The following TCF7L2 variants were observed in gnomAD, a reference collection of about 807,000 sequenced individuals.
TCF7L2 encodes transcription factor 7 like 2, also known as transcription factor 7-like 2.
A neutral mutation model predicts 77.9 loss-of-function variants in TCF7L2; 23 were observed. The observed-to-expected ratio is 0.30, with a 90% confidence interval of 0.21 to 0.42. The LOEUF (loss-of-function observed/expected upper bound fraction) is 0.42, where lower values mean the gene tolerates loss of function less well. Ranked by LOEUF, TCF7L2 falls within the 10% of genes least tolerant of loss-of-function variation. The pLI is 1.00. For missense variants in TCF7L2, 654 were observed against 793.1 expected (o/e 0.82, Z 2.11); for synonymous variants, 413 against 340.2 (o/e 1.21, Z -2.36).
chr10:113,009,760 A>T (rs1335222181), intron 4 of TCF7L2, among the ~76,000 whole-genome samples: 1 of 152,162 alleles, frequency 6.6e-6, no homozygotes, highest in African/African-American at 2.4e-5. Context: ...TCCTTAGAGG[A>T]TGGTAAATTA....
chr10:112,970,900 G>A (rs188732985), intron 4 of TCF7L2, among the ~76,000 whole-genome samples: 2 of 152,304 alleles, frequency 1.3e-5, no homozygotes, highest in Admixed American at 1.3e-4. Flanking sequence ...GACTTAGGCT[G>A]TGACATTTCA....
intron 4 of TCF7L2, among the ~76,000 whole-genome samples, chr10:112,999,010 A>G (rs940778221): frequency 6.6e-6 from 1 of 152,184 alleles, no homozygotes; most frequent in Non-Finnish European, 1.5e-5. Context: ...AGACTTTCCT[A>G]TTAAAAAAAG....
At chr10:113,109,077 A>G (rs1009634893) in intron 5 of TCF7L2, among the ~76,000 whole-genome samples, 1 of 152,212 alleles carries the variant, frequency 6.6e-6, no homozygotes. Context: ...ACGCGCGTGC[A>G]CACATGGGCC....
intron 5 of TCF7L2, among the ~76,000 whole-genome samples, chr10:113,088,190 T>C (rs1407104632): frequency 6.6e-6 from 1 of 152,172 alleles, no homozygotes; most frequent in African/African-American, 2.4e-5. Context: ...GAAATCGCCC[T>C]TCTTGGACCC....
Position 112,950,449 on chromosome 10 carries a change from G to GT in TCF7L2, c.-294dup, listed in dbSNP as rs74804400. 36,415 of 192,862 alleles carry GT rather than the reference G, an allele frequency of 0.19. 2,985 individuals carry two copies. Among genetic ancestry groups the GT allele is most frequent in the Non-Finnish European group, 0.24 (24,305 of 101,848 alleles). 11.9% of individuals were successfully genotyped at this position (192,862 alleles called of 1,614,324 possible). ...TATCTGACTTCTTGTTGTTGTTGGT[G>GT]TTTTTTTTTTTTTTACCCCCCTTTT... On this transcript the variant is annotated 5_prime_UTR_variant, in exon 1 of 14. Coordinates refer to ENST00000627217, the MANE Select transcript of TCF7L2 (RefSeq NM_001146274.2).
intron 5 of TCF7L2, among the ~76,000 whole-genome samples, chr10:113,100,537 A>C (rs913523893): frequency 6.6e-6 from 1 of 152,146 alleles, no homozygotes; most frequent in Non-Finnish European, 1.5e-5. Flanking sequence ...TAAAAGATGA[A>C]AGCACTAAAT....
chr10:113,014,157 G>T (rs1564785171), intron 4 of TCF7L2, among the ~76,000 whole-genome samples: 1 of 152,192 alleles, frequency 6.6e-6, no homozygotes, highest in Non-Finnish European at 1.5e-5. Flanking sequence ...ACAGGGAATG[G>T]GTTAGTTCCC....
chr10:113,098,876 G>C (rs1278856647), intron 5 of TCF7L2, among the ~76,000 whole-genome samples: 1 of 152,176 alleles, frequency 6.6e-6, no homozygotes, highest in Non-Finnish European at 1.5e-5. Context: ...CCTTTGTGTA[G>C]TCACTGGAGA....
intron 4 of TCF7L2, among the ~76,000 whole-genome samples, chr10:113,037,695 C>T (rs1357720150): frequency 3.3e-5 from 5 of 152,124 alleles, no homozygotes; most frequent in African/African-American, 4.8e-5. Flanking sequence ...CAACAAAGCC[C>T]GAGTTTCCTA....
intron 4 of TCF7L2, among the ~76,000 whole-genome samples, chr10:113,019,391 G>T (rs1456160620): frequency 6.6e-6 from 1 of 152,092 alleles, no homozygotes; most frequent in Non-Finnish European, 1.5e-5. Flanking sequence ...AATGGTTGTG[G>T]GGGGGTGGCC....
At chr10:112,970,137 G>A (rs1168363265) in intron 4 of TCF7L2, among the ~76,000 whole-genome samples, 2 of 151,560 alleles carry the variant, frequency 1.3e-5, no homozygotes, top group Non-Finnish European at 2.9e-5. Flanking sequence ...ACCTTTCTTG[G>A]TTGTTATTCT....
intron 4 of TCF7L2, among the ~76,000 whole-genome samples, chr10:113,004,153 G>A (rs1278934270): frequency 6.6e-6 from 1 of 152,176 alleles, no homozygotes; most frequent in Non-Finnish European, 1.5e-5. Context: ...TTTTATTGGA[G>A]GAAAGAAGAG....
At chr10:112,999,883 A>G (rs899654870) in intron 4 of TCF7L2, among the ~76,000 whole-genome samples, 1 of 152,206 alleles carries the variant, frequency 6.6e-6, no homozygotes, top group Non-Finnish European at 1.5e-5. Flanking sequence ...TTAGGAGAAC[A>G]TGGGACCTAA....
At chr10:113,132,918 GTTGAGAA>G (rs2066825982) in intron 5 of TCF7L2, 2 of 152,150 alleles carry the variant, frequency 1.3e-5, no homozygotes, top group South Asian at 4.1e-4. Flanking sequence ...TGACCTCCAG[GTTGAGAA>G]TTTTGTGACG....
rs369440869 is a variant in TCF7L2 at position 112,983,344 on chromosome 10, G to A, written c.450+18720G>A. 1.5e-4 allele frequency among the ~76,000 whole-genome samples: 23 copies of A among 152,090 alleles called. No homozygotes were observed. The East Asian group carries it at 3.9e-3, about 26-fold the overall frequency. ...AAATTAGCAGGGCATGGTGGTGGGC[G>A]CCTGTAGTCCCAGCTACTCCGGAGG... On this transcript the variant is annotated intron_variant, in intron 4 of 13. Coordinates refer to ENST00000627217, the MANE Select transcript of TCF7L2 (RefSeq NM_001146274.2).
intron 5 of TCF7L2, among the ~76,000 whole-genome samples, chr10:113,111,034 A>G (rs1168197067): frequency 1.0e-5 from 1 of 98,128 alleles, no homozygotes; most frequent in East Asian, 2.5e-4. Flanking sequence ...AGCATTTGGG[A>G]TTCCTTTTTT....
At chr10:113,160,714 T>C (rs780850036) in intron 13 of TCF7L2, 2 of 1,572,456 alleles carry the variant, frequency 1.3e-6, no homozygotes, top group South Asian at 2.4e-5. Context: ...TGCGAGGCCT[T>C]TGGGAAAATC....
rs943709396 is a variant in TCF7L2, at chr10:113,039,888, A to T, written c.451-137A>T. 1.1e-4 allele frequency: 77 copies of T among 718,152 alleles called. 1 individual carries two copies. Among genetic ancestry groups the T allele is most frequent in the Non-Finnish European group, 6.8e-5 (30 of 439,278 alleles). The allele number at this position is 718,152 out of a possible 1,614,324, so 44.5% of individuals were successfully genotyped here. A position where few individuals can be genotyped will look rare whatever the true frequency, so the allele number is the denominator to read the frequency against. On this transcript the variant is annotated intron_variant, in intron 4 of 13. Coordinates refer to ENST00000627217, the MANE Select transcript of TCF7L2 (RefSeq NM_001146274.2). ...CCCTATTGGAATTGCATGCTTTTTTATTTTTTTAATGATTATTTGCATGCT... is the reference window on the plus strand; with the variant it reads ...CCCTATTGGAATTGCATGCTTTTTTTTTTTTTTAATGATTATTTGCATGCT...
At chr10:113,105,778 C>G (rs2062227094) in intron 5 of TCF7L2, among the ~76,000 whole-genome samples, 1 of 152,120 alleles carries the variant, frequency 6.6e-6, no homozygotes, top group South Asian at 2.1e-4. Context: ...CAGGGTCTTA[C>G]AGTTTAGAAA....
Sources: allele counts gnomAD v4.1 joint callset (sites outside exome capture counted in the v4.1 genomes callset), GRCh38; gene constraint gnomAD v4.1.1; transcripts MANE v1.5; gene names NCBI Gene and HGNC (gene_info 2026-07-23, HGNC 2026-07-21).